The following NCKAP5 variants were observed in gnomAD, a reference collection of about 807,000 sequenced individuals.
NCKAP5 encodes the protein NCK associated protein 5.
A neutral mutation model predicts 167.0 loss-of-function variants in NCKAP5; 92 were observed. The observed-to-expected ratio is 0.55, with a 90% confidence interval of 0.47 to 0.66. NCKAP5 has a LOEUF of 0.66. Ranked by LOEUF, NCKAP5 falls within the 30% of genes least tolerant of loss-of-function variation. The probability of loss-of-function intolerance (pLI) is 0.00; values close to 1 mark genes in which losing one functional copy is unlikely to be tolerated. For missense variants in NCKAP5, 2,378 were observed against 2,315.0 expected (o/e 1.03, Z -0.56); for synonymous variants, 891 against 877.4 (o/e 1.02, Z -0.27).
chr2:133,254,097 T>C (rs1337665808), intron 4 of NCKAP5, among the ~76,000 whole-genome samples: 1 of 152,202 alleles, frequency 6.6e-6, no homozygotes, highest in African/African-American at 2.4e-5. Context: ...TGGCCCCCAA[T>C]GACCCCTGTC....
chr2:133,177,149 A>G (rs2084497307), intron 5 of NCKAP5, among the ~76,000 whole-genome samples: 2 of 114,376 alleles, frequency 1.7e-5, no homozygotes, highest in South Asian at 6.1e-4. Context: ...TTAGCGACAC[A>G]GGAGGTTTTG....
chr2:133,475,001 T>C (rs1679756693), intron 3 of NCKAP5, among the ~76,000 whole-genome samples: 1 of 152,078 alleles, frequency 6.6e-6, no homozygotes, highest in Non-Finnish European at 1.5e-5. Flanking sequence ...GGTAGAGCTG[T>C]GGTTTCACCA....
chr2:133,410,093 G>A (rs1454121247), intron 3 of NCKAP5, among the ~76,000 whole-genome samples: 1 of 152,216 alleles, frequency 6.6e-6, no homozygotes, highest in Non-Finnish European at 1.5e-5. Flanking sequence ...CAGGGTAATA[G>A]TAGCAACTCC....
At chr2:132,703,195 A>G (rs542414028) in intron 19 of NCKAP5, among the ~76,000 whole-genome samples, 1 of 152,190 alleles carries the variant, frequency 6.6e-6, no homozygotes, top group South Asian at 2.1e-4. Context: ...AGATTAAAAA[A>G]TTTAAAAAGT....
At chr2:132,934,375 C>A (rs1696680656) in intron 8 of NCKAP5, among the ~76,000 whole-genome samples, 1 of 152,162 alleles carries the variant, frequency 6.6e-6, no homozygotes, top group South Asian at 2.1e-4. Context: ...GAGTTTGAGA[C>A]CAGCCTGGCC....
Position 132,781,208 on chromosome 2 carries a change from T to G in NCKAP5, c.4893A>C (p.Pro1631=), listed in dbSNP as rs1244751912. ...LLNRVDKKAA[P]QTESGSSNAS... ...CATTACTTGATCCACTTTCTGTCTG[T>G]GGAGCTGCTTTCTTATCAACTCTGC... Residue 1631 remains proline (P), a synonymous_variant, in exon 15 of 20, where the codon CCA becomes CCC. Transcript: ENST00000409261. The G allele has an allele frequency of 6.2e-7, 1 of 1,613,798 alleles. No homozygotes were observed. Among genetic ancestry groups the G allele is most frequent in the Admixed American group, 1.7e-5 (1 of 59,980 alleles).
intron 6 of NCKAP5, among the ~76,000 whole-genome samples, chr2:133,020,461 G>A (rs1292694471): frequency 6.6e-6 from 1 of 152,166 alleles, no homozygotes; most frequent in Non-Finnish European, 1.5e-5. Flanking sequence ...GTTTTCAGGA[G>A]TCAACAGGAC....
chr2:133,253,932 A>G (rs1249288086), intron 4 of NCKAP5, among the ~76,000 whole-genome samples: 1 of 152,186 alleles, frequency 6.6e-6, no homozygotes, highest in African/African-American at 2.4e-5. Flanking sequence ...AGCAACCAGG[A>G]TATCTGCCTT....
chr2:133,094,267 G>A (rs2081279073), intron 6 of NCKAP5, among the ~76,000 whole-genome samples: 1 of 152,166 alleles, frequency 6.6e-6, no homozygotes. Context: ...ATAGGAGGGA[G>A]CCATTGTGGA....
intron 3 of NCKAP5, among the ~76,000 whole-genome samples, chr2:133,415,760 C>A (rs949233383): frequency 6.6e-6 from 1 of 152,230 alleles, no homozygotes; most frequent in Non-Finnish European, 1.5e-5. Context: ...AACCACACAT[C>A]CCCTATCTGT....
At chr2:133,016,111 G>A (rs1336425114) in intron 6 of NCKAP5, among the ~76,000 whole-genome samples, 1 of 152,090 alleles carries the variant, frequency 6.6e-6, no homozygotes, top group Non-Finnish European at 1.5e-5. Context: ...AAGGAAGAGA[G>A]CAAATTTGCT....
intron 3 of NCKAP5, among the ~76,000 whole-genome samples, chr2:133,449,981 T>C (rs1238724255): frequency 6.6e-6 from 1 of 151,806 alleles, no homozygotes; most frequent in Non-Finnish European, 1.5e-5. Flanking sequence ...GGACTCACCA[T>C]CTCCCAGGCA....
chr2:132,949,032 A>AAGAAAAGAAC (rs1477449311), intron 8 of NCKAP5, among the ~76,000 whole-genome samples: 1 of 149,244 alleles, frequency 6.7e-6, no homozygotes, highest in East Asian at 2.2e-4. Flanking sequence ...AAGAAAAGAA[A>AAGAAAAGAAC]AGAAAAGAAA....
chr2:133,594,507 G>A, the NCKAP5 span, among the ~76,000 whole-genome samples: 24 of 152,234 alleles, frequency 1.6e-4, no homozygotes, highest in African/African-American at 5.1e-4. Context: ...CAGAGTGCCC[G>A]ACACTAAGTA....
chr2:133,107,040 TA>T (rs976013768), intron 6 of NCKAP5, among the ~76,000 whole-genome samples: 2 of 152,158 alleles, frequency 1.3e-5, no homozygotes, highest in Admixed American at 1.3e-4. Context: ...TGCCTGCCTC[TA>T]AAATAGTGTA....
At chr2:133,094,051 C>A (rs528876597) in intron 6 of NCKAP5, among the ~76,000 whole-genome samples, 11 of 152,208 alleles carry the variant, frequency 7.2e-5, no homozygotes, top group Non-Finnish European at 1.5e-4. Context: ...GTAGGCACTC[C>A]AGTTGACTGA....
chr2:133,133,052 G>A (rs1453088869), intron 5 of NCKAP5, among the ~76,000 whole-genome samples: 2 of 151,990 alleles, frequency 1.3e-5, no homozygotes, highest in Admixed American at 6.6e-5. Flanking sequence ...TTCTGTATTC[G>A]CTATATTCTG....
rs1683073931 is a variant in NCKAP5 at position 132,782,017 on chromosome 2, C to T, written c.4794G>A (p.Leu1598=). The T allele has an allele frequency of 6.2e-7, 1 of 1,613,980 alleles. No individual in the cohort carries two copies. Among genetic ancestry groups the T allele is most frequent in the South Asian group, 1.1e-5 (1 of 91,074 alleles). ...TGTGTCTATTCCTTGGTTCAATCTTCAGTTGGTTGTAAATGTCTTGTGGTG... is the reference window on the plus strand; with the variant it reads ...TGTGTCTATTCCTTGGTTCAATCTTTAGTTGGTTGTAAATGTCTTGTGGTG... The part of the protein sequence containing the change: ...RRTPQDIYNQ[L]KIEPRNRHSP... Residue 1598 remains leucine, a synonymous_variant, in exon 14 of 20, where the codon CTG becomes CTA. Coordinates refer to ENST00000409261, the MANE Select transcript of NCKAP5 (RefSeq NM_207363.3).
intron 8 of NCKAP5, among the ~76,000 whole-genome samples, chr2:132,948,581 G>A (rs557792282): frequency 1.2e-4 from 19 of 152,176 alleles, no homozygotes; most frequent in Non-Finnish European, 2.6e-4. Flanking sequence ...AGGTGGAATG[G>A]CAAATGGTAA....
Sources: allele counts gnomAD v4.1 joint callset (sites outside exome capture counted in the v4.1 genomes callset), GRCh38; gene constraint gnomAD v4.1.1; transcripts MANE v1.5; gene names NCBI Gene and HGNC (gene_info 2026-07-23, HGNC 2026-07-21).